WWOX: variants seen among roughly 807,000 people sequenced by gnomAD.
The protein encoded by WWOX is WW domain-containing oxidoreductase.
A neutral mutation model predicts 46.2 loss-of-function variants in WWOX; 69 were observed. That is an observed-to-expected ratio of 1.49 (90% CI 1.23 to 1.82). The LOEUF is 1.82. Among genes scored for constraint, WWOX ranks in the 40% most tolerant of loss-of-function variants. The pLI is 0.00. For missense variants in WWOX, 919 were observed against 542.6 expected (o/e 1.69, Z -6.89); for synonymous variants, 359 against 202.6 (o/e 1.77, Z -6.56).
chr16:79,103,835 C>T (rs2049251279), intron 8 of WWOX, among the ~76,000 whole-genome samples: 1 of 152,102 alleles, frequency 6.6e-6, no homozygotes, highest in Non-Finnish European at 1.5e-5. Context: ...CTTATGCCAT[C>T]ATGCACGTTT....
chr16:78,109,208 C>T (rs2032340814), intron 2 of WWOX, among the ~76,000 whole-genome samples: 1 of 152,116 alleles, frequency 6.6e-6, no homozygotes, highest in Non-Finnish European at 1.5e-5. Context: ...AAGAAAGGGA[C>T]AGGCACGGTG....
At chr16:78,172,591 C>CT (rs74809880) in intron 5 of WWOX, among the ~76,000 whole-genome samples, 16,038 of 143,154 alleles carry the variant, frequency 0.11, 1,088 homozygotes, top group African/African-American at 0.18. Flanking sequence ...GTGTCTTCTC[C>CT]TTTTTTTTTT....
At chr16:79,139,358 A>C (rs971446749) in intron 8 of WWOX, among the ~76,000 whole-genome samples, 1 of 152,142 alleles carries the variant, frequency 6.6e-6, no homozygotes, top group African/African-American at 2.4e-5. Flanking sequence ...GATCCACTTT[A>C]ATGTTGTTCT....
intron 5 of WWOX, among the ~76,000 whole-genome samples, chr16:78,247,079 G>A (rs903596588): frequency 3.3e-5 from 5 of 152,042 alleles, no homozygotes; most frequent in African/African-American, 7.2e-5. Context: ...TTATGTTTAC[G>A]TGTTTGCTGC....
At chr16:78,187,978 AT>A (rs2035762086) in intron 5 of WWOX, among the ~76,000 whole-genome samples, 1 of 152,220 alleles carries the variant, frequency 6.6e-6, no homozygotes, top group Non-Finnish European at 1.5e-5. Context: ...CATTCCAAGA[AT>A]TTAATTACTA....
chr16:78,117,967 A>G (rs957127870), intron 4 of WWOX, among the ~76,000 whole-genome samples: 1 of 152,058 alleles, frequency 6.6e-6, no homozygotes, highest in Non-Finnish European at 1.5e-5. Flanking sequence ...CAATAAAAAC[A>G]TAGATATCTA....
chr16:78,740,800 G>C (rs961877194), intron 8 of WWOX, among the ~76,000 whole-genome samples: 1 of 152,160 alleles, frequency 6.6e-6, no homozygotes, highest in Non-Finnish European at 1.5e-5. Flanking sequence ...GTGTACGTGT[G>C]TGCATGAGCG....
chr16:78,390,524 C>T (rs775501211), intron 6 of WWOX, among the ~76,000 whole-genome samples: 4 of 152,064 alleles, frequency 2.6e-5, no homozygotes, highest in Non-Finnish European at 5.9e-5. Flanking sequence ...TGTATGTGTC[C>T]CATGAGAGTA....
chr16:78,704,933 T>A (rs905886168), intron 8 of WWOX, among the ~76,000 whole-genome samples: 1 of 151,658 alleles, frequency 6.6e-6, no homozygotes, highest in African/African-American at 2.4e-5. Flanking sequence ...TTTTTTTTTT[T>A]TAAAGAGGAG....
chr16:78,809,938 C>G (rs2051143547), intron 8 of WWOX, among the ~76,000 whole-genome samples: 1 of 152,212 alleles, frequency 6.6e-6, no homozygotes, highest in Non-Finnish European at 1.5e-5. Flanking sequence ...AAAGCAAAGT[C>G]TCCCTTAGGG....
At chr16:78,987,108 T>C (rs1286433974) in intron 8 of WWOX, among the ~76,000 whole-genome samples, 1 of 152,204 alleles carries the variant, frequency 6.6e-6, no homozygotes, top group Admixed American at 6.5e-5. Context: ...AACTTGCCAC[T>C]TTGATAGCAG....
chr16:78,987,934 T>C (rs920843291), intron 8 of WWOX, among the ~76,000 whole-genome samples: 4 of 152,086 alleles, frequency 2.6e-5, no homozygotes, highest in African/African-American at 9.7e-5. Context: ...GTATCCATGG[T>C]AGTCCCAGTG....
At chr16:79,114,332 T>C (rs2049470923) in intron 8 of WWOX, among the ~76,000 whole-genome samples, 1 of 150,554 alleles carries the variant, frequency 6.6e-6, no homozygotes, top group Admixed American at 6.6e-5. Flanking sequence ...ACTGGTGTCT[T>C]TATTAGAGAA....
intron 5 of WWOX, among the ~76,000 whole-genome samples, chr16:78,309,308 G>C (rs968015664): frequency 2.6e-5 from 4 of 152,154 alleles, no homozygotes; most frequent in African/African-American, 7.2e-5. Context: ...TGTGAACCTG[G>C]TGCTTTGCTT....
intron 5 of WWOX, among the ~76,000 whole-genome samples, chr16:78,334,398 A>G (rs1202989332): frequency 3.9e-5 from 6 of 152,236 alleles, no homozygotes; most frequent in African/African-American, 1.4e-4. Context: ...ATATAACAAC[A>G]GCGAACAACA....
chr16:79,051,585 G>C (rs1597326605), intron 8 of WWOX, among the ~76,000 whole-genome samples: 1 of 77,860 alleles, frequency 1.3e-5, no homozygotes, highest in South Asian at 4.1e-4. Flanking sequence ...GGGTGGGAGG[G>C]AGCGTCAACA....
intron 8 of WWOX, among the ~76,000 whole-genome samples, chr16:78,787,346 C>A (rs189799417): frequency 6.6e-6 from 1 of 152,182 alleles, no homozygotes; most frequent in South Asian, 2.1e-4. Flanking sequence ...CCCCCAGCCC[C>A]TCATAACCAC....
At chr16:79,106,121 A>C (rs2049303011) in intron 8 of WWOX, 1 of 152,202 alleles carries the variant, frequency 6.6e-6, no homozygotes, top group Admixed American at 6.5e-5. Context: ...TAGAAATGGA[A>C]ATTCTTAGGC....
intron 8 of WWOX, among the ~76,000 whole-genome samples, chr16:78,809,568 A>G (rs188073165): frequency 1.2e-4 from 18 of 152,028 alleles, no homozygotes; most frequent in Middle Eastern, 3.4e-3. Context: ...GTTAGCCTTT[A>G]TTTTTGGTGT....
Sources: allele counts gnomAD v4.1 joint callset (sites outside exome capture counted in the v4.1 genomes callset), GRCh38; gene constraint gnomAD v4.1.1; transcripts MANE v1.5; gene names NCBI Gene and HGNC (gene_info 2026-07-23, HGNC 2026-07-21).